Variants in KLF12 observed in about 807,000 individuals in gnomAD.
KLF12 encodes KLF transcription factor 12, also known as Krueppel-like factor 12.
KLF12 carries 9 observed loss-of-function variants against 37.8 expected under a neutral mutation model. The observed-to-expected ratio is 0.24, with a 90% CI of 0.14 to 0.42. The LOEUF (loss-of-function observed/expected upper bound fraction) is 0.42. KLF12 is among the 10% of genes least tolerant of loss of function. The pLI is 1.00. For synonymous variants in KLF12, 208 were observed against 202.1 expected (o/e 1.03, Z -0.25); for missense variants, 411 against 516.0 (o/e 0.80, Z 1.97).
chr13:74,200,353 G>A, the KLF12 span, among the ~76,000 whole-genome samples: 2 of 152,230 alleles, frequency 1.3e-5, no homozygotes, highest in African/African-American at 4.8e-5. Context: ...TGACCGGCTG[G>A]GGGAACTTGA....
chr13:73,899,553 T>C (rs1048578889), intron 3 of KLF12, among the ~76,000 whole-genome samples: 1 of 152,160 alleles, frequency 6.6e-6, no homozygotes, highest in African/African-American at 2.4e-5. Context: ...AAAACATTTT[T>C]CTGGGTATAG....
the KLF12 span, among the ~76,000 whole-genome samples, chr13:74,177,472 G>C: frequency 6.6e-6 from 1 of 152,100 alleles, no homozygotes; most frequent in African/African-American, 2.4e-5. Flanking sequence ...GGAGGACGAC[G>C]GTGATGGAAG....
At chr13:74,033,540 T>A (rs1003329457) in intron 1 of KLF12, among the ~76,000 whole-genome samples, 1 of 152,208 alleles carries the variant, frequency 6.6e-6, no homozygotes, top group Non-Finnish European at 1.5e-5. Flanking sequence ...CTATAGATCC[T>A]TGACACAAAT....
the KLF12 span, among the ~76,000 whole-genome samples, chr13:74,279,897 T>A: frequency 6.6e-6 from 1 of 152,182 alleles, no homozygotes; most frequent in African/African-American, 2.4e-5. Flanking sequence ...TGGGCAAATT[T>A]ATGAGAGAAG....
At chr13:74,252,977 GTCTATCTATCTATCTA>G in the KLF12 span, among the ~76,000 whole-genome samples, 126 of 147,318 alleles carry the variant, frequency 8.6e-4, no homozygotes, top group Admixed American at 2.2e-3. Context: ...TCTGTCATCT[GTCTATCTATCTATCTA>G]TCTATCTATC....
intron 5 of KLF12, among the ~76,000 whole-genome samples, chr13:73,780,236 T>C (rs1000424130): frequency 4.6e-5 from 7 of 152,164 alleles, no homozygotes; most frequent in Non-Finnish European, 1.0e-4. Flanking sequence ...GTCATTTCTT[T>C]TTTCTTTTTT....
chr13:73,854,111 T>C (rs1885479173), intron 3 of KLF12, among the ~76,000 whole-genome samples: 1 of 152,214 alleles, frequency 6.6e-6, no homozygotes, highest in Admixed American at 6.5e-5. Context: ...TTCCTCATGA[T>C]TAGAATTTTG....
At chr13:73,874,442 T>C (rs760585702) in intron 3 of KLF12, among the ~76,000 whole-genome samples, 9 of 152,214 alleles carry the variant, frequency 5.9e-5, no homozygotes, top group South Asian at 2.1e-4. Flanking sequence ...CTAGCAGCCA[T>C]AGACCCATGT....
intron 3 of KLF12, among the ~76,000 whole-genome samples, chr13:73,887,907 T>G (rs1566439412): frequency 6.6e-6 from 1 of 152,040 alleles, no homozygotes; most frequent in Non-Finnish European, 1.5e-5. Flanking sequence ...AGTGATTGAA[T>G]ACATAATAAT....
At chr13:73,762,233 C>G in intron 6 of KLF12, among the ~76,000 whole-genome samples, 1 of 152,094 alleles carries the variant, frequency 6.6e-6, no homozygotes, top group Non-Finnish European at 1.5e-5. Flanking sequence ...TACAATATTA[C>G]CACACTTTCA....
chr13:74,166,321 G>A, the KLF12 span, among the ~76,000 whole-genome samples: 2 of 152,060 alleles, frequency 1.3e-5, no homozygotes, highest in African/African-American at 4.8e-5. Context: ...CAAACTCCTG[G>A]GCTCAAGGTG....
chr13:73,907,857 C>T (rs900567426), intron 3 of KLF12, among the ~76,000 whole-genome samples: 1 of 152,192 alleles, frequency 6.6e-6, no homozygotes, highest in East Asian at 1.9e-4. Flanking sequence ...TCCCTTCCTT[C>T]TAGCAAACAC....
chr13:73,908,227 C>G (rs1184775886), intron 3 of KLF12, among the ~76,000 whole-genome samples: 3 of 151,706 alleles, frequency 2.0e-5, no homozygotes, highest in Admixed American at 6.6e-5. Context: ...ACGGTGAAAC[C>G]CTGTTTCTAC....
At chr13:73,705,368 G>C (rs1199627921) in intron 7 of KLF12, among the ~76,000 whole-genome samples, 2 of 152,134 alleles carry the variant, frequency 1.3e-5, no homozygotes, top group East Asian at 3.9e-4. Flanking sequence ...CTGCCTCCCA[G>C]GTTCAAGCGA....
chr13:73,855,828 T>C (rs1325035695), intron 3 of KLF12, among the ~76,000 whole-genome samples: 1 of 100,032 alleles, frequency 1.0e-5, no homozygotes, highest in Non-Finnish European at 2.6e-5. Context: ...TGGCATCTCA[T>C]TGTGATTTGA....
the KLF12 span, among the ~76,000 whole-genome samples, chr13:74,286,052 C>A: frequency 6.6e-6 from 1 of 152,204 alleles, no homozygotes; most frequent in African/African-American, 2.4e-5. Context: ...AACCACTACT[C>A]TTAGCTCACT....
At chr13:74,156,798 T>A in the KLF12 span, among the ~76,000 whole-genome samples, 1 of 152,226 alleles carries the variant, frequency 6.6e-6, no homozygotes, top group Non-Finnish European at 1.5e-5. Flanking sequence ...TGCAAATGAC[T>A]GTATCTCACT....
chr13:74,249,379 C>CACACACACACACAT, the KLF12 span, among the ~76,000 whole-genome samples: 129 of 138,566 alleles, frequency 9.3e-4, 6 homozygotes, highest in African/African-American at 2.6e-3. Flanking sequence ...CACACACACA[C>CACACACACACACAT]GCACACCCTC....
At chr13:73,936,940 C>G in intron 3 of KLF12, among the ~76,000 whole-genome samples, 1 of 152,114 alleles carries the variant, frequency 6.6e-6, no homozygotes, top group East Asian at 1.9e-4. Flanking sequence ...GCCTATAATC[C>G]CAACCCTTTG....
Sources: gnomAD v4.1 joint callset for allele counts (sites outside exome capture counted in the v4.1 genomes callset) on GRCh38, gnomAD v4.1.1 for gene constraint, MANE v1.5 for transcripts, NCBI Gene and HGNC (gene_info 2026-07-23, HGNC 2026-07-21) for gene names.